The following RHBDD1 variants were observed in gnomAD, a reference collection of about 807,000 sequenced individuals.
RHBDD1 encodes the protein rhomboid-related protein 4.
RHBDD1 carries 38 observed loss-of-function variants against 36.3 expected under a neutral mutation model. The ratio of observed to expected loss-of-function variants is 1.05; its 90% confidence interval spans 0.81 to 1.37. RHBDD1 has a LOEUF of 1.37. Among genes scored for constraint, RHBDD1 ranks in the 40% most tolerant of loss-of-function variants. The pLI is 0.00. For missense variants in RHBDD1, 393 were observed against 377.6 expected, an observed-to-expected ratio of 1.04 and a Z score of -0.34; for synonymous variants, 151 against 136.5, an observed-to-expected ratio of 1.11 and a Z score of -0.74.
chr2:226,812,578 T>C, the RHBDD1 span, among the ~76,000 whole-genome samples: 6 of 152,340 alleles, frequency 3.9e-5, no homozygotes, highest in East Asian at 1.2e-3. Context: ...TGTCCCATTA[T>C]GGAACAATCC....
At chr2:226,912,147 C>A (rs1404821907) in intron 7 of RHBDD1, among the ~76,000 whole-genome samples, 4 of 152,256 alleles carry the variant, frequency 2.6e-5, no homozygotes, top group Admixed American at 6.5e-5. Context: ...ATCAAAACCA[C>A]AGTGAGATAC....
At chr2:226,844,108 T>C (rs1170172698) in intron 3 of RHBDD1, among the ~76,000 whole-genome samples, 1 of 152,208 alleles carries the variant, frequency 6.6e-6, no homozygotes, top group Non-Finnish European at 1.5e-5. Flanking sequence ...GGAGACTTGG[T>C]AGATCTGGAA....
chr2:226,926,706 C>A (rs1020701255), intron 8 of RHBDD1, among the ~76,000 whole-genome samples: 3 of 152,190 alleles, frequency 2.0e-5, no homozygotes, highest in Admixed American at 6.5e-5. Flanking sequence ...CAGAAAGTGA[C>A]TGACAAGTCT....
intron 7 of RHBDD1, among the ~76,000 whole-genome samples, chr2:226,911,243 A>G (rs1273523717): frequency 6.6e-6 from 1 of 152,098 alleles, no homozygotes; most frequent in African/African-American, 2.4e-5. Flanking sequence ...TTGGGGGTGG[A>G]TAGGTAGAAA....
At chr2:226,815,361 T>A in the RHBDD1 span, among the ~76,000 whole-genome samples, 1 of 152,214 alleles carries the variant, frequency 6.6e-6, no homozygotes, top group Non-Finnish European at 1.5e-5. Context: ...CATAATATTT[T>A]GTCATGAATG....
At chr2:226,988,381 A>G in intron 8 of RHBDD1, 1 of 1,550,476 alleles carries the variant, frequency 6.4e-7, no homozygotes, top group Non-Finnish European at 8.7e-7. Context: ...ACCCCAAGAT[A>G]AAGGTCAGAA....
intron 7 of RHBDD1, among the ~76,000 whole-genome samples, chr2:226,913,936 C>G (rs1263082576): frequency 6.6e-6 from 1 of 152,168 alleles, no homozygotes; most frequent in Non-Finnish European, 1.5e-5. Context: ...ATAGCTCATT[C>G]CAGTCTCTTC....
chr2:226,955,943 C>T (rs1047064815), intron 8 of RHBDD1, among the ~76,000 whole-genome samples: 1 of 152,292 alleles, frequency 6.6e-6, no homozygotes, highest in Admixed American at 6.5e-5. Flanking sequence ...TAACAAGTAA[C>T]GATTATCTAC....
At chr2:226,844,541 G>C (rs1942016631) in intron 3 of RHBDD1, among the ~76,000 whole-genome samples, 1 of 152,180 alleles carries the variant, frequency 6.6e-6, no homozygotes, top group Non-Finnish European at 1.5e-5. Flanking sequence ...TTCTTACACA[G>C]ATTAATTTAA....
At chr2:226,935,006 T>A (rs1950249737) in intron 8 of RHBDD1, among the ~76,000 whole-genome samples, 1 of 152,090 alleles carries the variant, frequency 6.6e-6, no homozygotes. Flanking sequence ...TAACTTGTGC[T>A]TCTTTTCTTA....
intron 5 of RHBDD1, among the ~76,000 whole-genome samples, chr2:226,896,857 T>G (rs918762375): frequency 5.9e-4 from 90 of 152,002 alleles, no homozygotes; most frequent in African/African-American, 2.1e-3. Flanking sequence ...GGCTGGAGTA[T>G]AGTGGCACCA....
At chr2:226,834,996 G>C (rs1940848444), upstream of RHBDD1, among the ~76,000 whole-genome samples, 1 of 152,168 alleles carries the variant, frequency 6.6e-6, no homozygotes, top group Non-Finnish European at 1.5e-5. Context: ...GGCTGGTTTT[G>C]AATTCCTGAC....
chr2:226,897,825 A>G (rs527903701), intron 5 of RHBDD1, among the ~76,000 whole-genome samples: 1 of 152,230 alleles, frequency 6.6e-6, no homozygotes, highest in East Asian at 1.9e-4. Flanking sequence ...ACAAACAAAC[A>G]AAAATTAGCT....
At chr2:226,826,886 C>A in the RHBDD1 span, among the ~76,000 whole-genome samples, 9 of 152,212 alleles carry the variant, frequency 5.9e-5, 1 homozygote, top group South Asian at 1.9e-3. Flanking sequence ...CTAAAGCACA[C>A]ATTTCTGTAT....
intron 7 of RHBDD1, among the ~76,000 whole-genome samples, chr2:226,911,510 T>C (rs1575067916): frequency 6.6e-6 from 1 of 151,962 alleles, no homozygotes; most frequent in East Asian, 1.9e-4. Context: ...GTATTAATTA[T>C]GTTTTTACCA....
At chr2:226,908,584 C>CACACACACACACACAG (rs762090989) in intron 6 of RHBDD1, 1 of 112,480 alleles carries the variant, frequency 8.9e-6, no homozygotes, top group African/African-American at 7.0e-5. Context: ...TTTTCCACTA[C>CACACACACACACACAG]ACACACACAC....
chr2:226,992,201 G>A (rs1329429912), intron 8 of RHBDD1, among the ~76,000 whole-genome samples: 1 of 152,240 alleles, frequency 6.6e-6, no homozygotes, highest in Non-Finnish European at 1.5e-5. Context: ...GTGTACCTGA[G>A]ACTGAGTGGA....
intron 8 of RHBDD1, among the ~76,000 whole-genome samples, chr2:226,940,148 A>C (rs1273580378): frequency 6.6e-6 from 1 of 152,194 alleles, no homozygotes; most frequent in Non-Finnish European, 1.5e-5. Flanking sequence ...GTAAAACCAA[A>C]AACTGTAAAA....
Position 226,998,602 on chromosome 2 carries a change from G to C in RHBDD1, c.*3080G>C, listed in dbSNP as rs749101652. ...TTCTCTTTTTTTTTCATGGCTGCTAGTATTTTATTTTAGAATCACAGACTC... is the reference window on the plus strand; with the variant it reads ...TTCTCTTTTTTTTTCATGGCTGCTACTATTTTATTTTAGAATCACAGACTC... On this transcript the variant is annotated 3_prime_UTR_variant, in exon 9 of 9. Transcript: ENST00000392062. 6.6e-6 allele frequency: 1 copy of C among 151,652 alleles called. No individual in the cohort carries two copies. Among genetic ancestry groups the C allele is most frequent in the Non-Finnish European group, 1.5e-5 (1 of 67,936 alleles). 9.4% of individuals were successfully genotyped at this position (151,652 alleles called of 1,614,324 possible). A position where few individuals can be genotyped will look rare whatever the true frequency, so the allele number is the denominator to read the frequency against.
Sources: allele counts gnomAD v4.1 joint callset (sites outside exome capture counted in the v4.1 genomes callset), GRCh38; gene constraint gnomAD v4.1.1; transcripts MANE v1.5; gene names NCBI Gene and HGNC (gene_info 2026-07-23, HGNC 2026-07-21).